The following MYO5C variants were observed in gnomAD, a reference collection of about 807,000 sequenced individuals.
MYO5C encodes myosin VC.
Under a neutral mutation model 235.7 loss-of-function variants are expected in MYO5C, and 194 were observed. That is an observed-to-expected ratio of 0.82 (90% CI 0.73 to 0.93). The LOEUF (loss-of-function observed/expected upper bound fraction) is 0.93, where lower values mean the gene tolerates loss of function less well. Among genes scored for constraint, MYO5C ranks in the 40% least tolerant of loss-of-function variants. The probability of loss-of-function intolerance (pLI) is 0.00; values close to 1 mark genes in which losing one functional copy is unlikely to be tolerated. For missense variants in MYO5C, 2,038 were observed against 2,127.2 expected (o/e 0.96, Z 0.82); for synonymous variants, 707 against 754.8 (o/e 0.94, Z 1.04).
intron 11 of MYO5C, among the ~76,000 whole-genome samples, chr15:52,256,362 A>G (rs577041792): frequency 6.6e-6 from 1 of 152,264 alleles, no homozygotes; most frequent in South Asian, 2.1e-4. Context: ...CAACCAACTA[A>G]ATAGTTTTGT....
At chr15:52,279,067 T>C in intron 3 of MYO5C, 50 bp from the exon 4 acceptor site, 1 of 1,548,640 alleles carries the variant, frequency 6.5e-7, no homozygotes, top group Non-Finnish European at 8.7e-7. Context: ...GCCACCTGCA[T>C]CTCCAGTTTT....
intron 13 of MYO5C, among the ~76,000 whole-genome samples, chr15:52,250,577 T>C (rs1459296776): frequency 6.6e-6 from 1 of 152,198 alleles, no homozygotes; most frequent in Non-Finnish European, 1.5e-5. Flanking sequence ...AGTACTCTGC[T>C]AGCACACAAA....
chr15:52,258,853 G>A (rs1306465152), intron 10 of MYO5C, among the ~76,000 whole-genome samples: 1 of 152,212 alleles, frequency 6.6e-6, no homozygotes, highest in Non-Finnish European at 1.5e-5. Context: ...CCACATAGCT[G>A]AAAAATTCAA....
At chr15:52,287,628 T>G (rs763420866) in intron 1 of MYO5C, among the ~76,000 whole-genome samples, 4 of 152,222 alleles carry the variant, frequency 2.6e-5, no homozygotes, top group Non-Finnish European at 4.4e-5. Flanking sequence ...GAACTGATTA[T>G]CTACTCCAAG....
chr15:52,204,549 G>A (rs1228622692), intron 38 of MYO5C, among the ~76,000 whole-genome samples: 6 of 152,068 alleles, frequency 3.9e-5, no homozygotes, highest in Non-Finnish European at 7.4e-5. Context: ...CCCTGGCAGT[G>A]CTATTCAGAG....
At chr15:52,253,552 A>G (rs551737802) in intron 11 of MYO5C, 95 bp from the exon 12 acceptor site, 1 of 1,139,062 alleles carries the variant, frequency 8.8e-7, no homozygotes, top group Non-Finnish European at 1.3e-6. Context: ...TAAATGGTTG[A>G]TCTGTAATAT....
chr15:52,237,812 A>C (rs2036123806), intron 21 of MYO5C, among the ~76,000 whole-genome samples, 166 bp from the exon 22 acceptor site: 1 of 152,208 alleles, frequency 6.6e-6, no homozygotes, highest in Admixed American at 6.5e-5. Context: ...GTGGTGAAAC[A>C]GTATGGCAGA....
chr15:52,256,174 T>C (rs1415461413), intron 11 of MYO5C, among the ~76,000 whole-genome samples: 2 of 152,056 alleles, frequency 1.3e-5, no homozygotes, highest in African/African-American at 2.4e-5. Context: ...AGGAAGCACA[T>C]AGGAAGAGGC....
chr15:52,193,681 G>A lies in MYO5C; in HGVS notation c.*221C>T. 4.0e-6 allele frequency: 2 copies of A among 504,334 alleles called. No individual in the cohort carries two copies. Among genetic ancestry groups the A allele is most frequent in the Middle Eastern group, 5.2e-4 (1 of 1,932 alleles). 31.2% of individuals were successfully genotyped at this position (504,334 alleles called of 1,614,324 possible). A position where few individuals can be genotyped will look rare whatever the true frequency, so the allele number is the denominator to read the frequency against. ...TGAAAACCAGCTGAGATTCGAGAGTGAGACATGGCTTTTCCAAATACAGCT... is the reference window on the plus strand; with the variant it reads ...TGAAAACCAGCTGAGATTCGAGAGTAAGACATGGCTTTTCCAAATACAGCT... On this transcript the variant is annotated 3_prime_UTR_variant, in exon 41 of 41. Coordinates refer to ENST00000261839, the MANE Select transcript of MYO5C (RefSeq NM_018728.4).
chr15:52,252,756 T>C (rs1274282102), intron 12 of MYO5C, among the ~76,000 whole-genome samples: 5 of 149,318 alleles, frequency 3.3e-5, no homozygotes, highest in South Asian at 2.1e-4. Flanking sequence ...GCCTGGGTGA[T>C]AGAGCAAGAC....
chr15:52,251,513 T>A lies in MYO5C; in HGVS notation c.1539A>T (p.Leu513Phe). Residue 513 changes from leucine (L) to phenylalanine (F), a missense_variant and splice_region_variant, in exon 13 of 41, where the codon TTA becomes TTT. By Grantham distance (22) the Leu-to-Phe change is conservative. Transcript: ENST00000261839. ...ILELLDEECL[L>F]PHGTDENWLQ... ...GCCAGTTTTCATCAGTTCCATGTGG[T>A]AACTGGAAAAGAAAAATAAACCAAA... 6.3e-7 allele frequency: 1 copy of A among 1,590,436 alleles called. No homozygotes were observed. Among genetic ancestry groups the A allele is most frequent in the Non-Finnish European group, 8.6e-7 (1 of 1,168,308 alleles).
intron 4 of MYO5C, among the ~76,000 whole-genome samples, chr15:52,276,469 A>G (rs541644226): frequency 9.2e-5 from 14 of 152,356 alleles, no homozygotes; most frequent in African/African-American, 3.4e-4. Flanking sequence ...CCTTCTGCCT[A>G]GCATATGCCA....
chr15:52,232,929 T>G lies in MYO5C; in HGVS notation c.2963-244A>C, dbSNP rs546611804. ...ATAAATAGTTTCATTTATAGTACTT[T>G]TGTTGGTCTGTTATTTATTAAAGTA... On this transcript the variant is annotated intron_variant, in intron 23 of 40. Transcript: ENST00000261839. Among the ~76,000 whole-genome samples the G allele has an allele frequency of 2.0e-5, 3 of 152,318 alleles. No homozygotes were observed. The South Asian group carries it at 6.2e-4, about 32-fold the overall frequency.
chr15:52,264,884 A>G (rs1375447435), intron 8 of MYO5C, among the ~76,000 whole-genome samples: 1 of 152,146 alleles, frequency 6.6e-6, no homozygotes, highest in Admixed American at 6.5e-5. Context: ...GCTGCCTCCA[A>G]CTGGCTGCAT....
chr15:52,237,643 T>C lies in MYO5C; in HGVS notation c.2707A>G (p.Lys903Glu). 1 of 1,605,076 alleles carries C rather than the reference T, an allele frequency of 6.2e-7. No homozygotes were observed. The highest frequency in any genetic ancestry group is 8.5e-7 in the Non-Finnish European group (1 of 1,178,096). ...RLQKKLEDQN[K>E]ENHGLVEKLT... ...TTCTCCACCAGCCCATGGTTTTCTT[T>C]GTTCTAGAGAAAAGAAAATTCAGAT... is the stretch of plus-strand genomic sequence containing the variant. The change falls in exon 22 of 41, where the codon AAA becomes GAA. Residue 903 changes from lysine to glutamate, a missense_variant. By Grantham distance (56) the Lys-to-Glu change is moderately conservative. Transcript: ENST00000261839.
chr15:52,281,678 G>A (rs1172098655), intron 2 of MYO5C, among the ~76,000 whole-genome samples: 2 of 152,184 alleles, frequency 1.3e-5, no homozygotes, highest in African/African-American at 4.8e-5. Flanking sequence ...CTGGGGGCCT[G>A]GGCCAAAGAC....
At chr15:52,204,118 G>A (rs1234723185) in intron 38 of MYO5C, among the ~76,000 whole-genome samples, 1 of 152,114 alleles carries the variant, frequency 6.6e-6, no homozygotes, top group African/African-American at 2.4e-5. Context: ...TCAATTAAGA[G>A]ATAGTAGACA....
rs111262107 is a variant in MYO5C, at chr15:52,208,290, G to A, written c.4386+264C>T. On this transcript the variant is annotated intron_variant, in intron 36 of 40. Transcript: ENST00000261839. ...GTATTTTAGAGTCATAATGCTAAAC[G>A]TCTTACAGCCAGAAGGAAACTTAAA... Among the ~76,000 whole-genome samples, 38 of 152,286 alleles carry A rather than the reference G, an allele frequency of 2.5e-4. 2 individuals are homozygous for A. Among genetic ancestry groups the A allele is most frequent in the African/African-American group, 7.9e-4 (33 of 41,564 alleles).
chr15:52,291,745 T>TGTTTTG (rs1345091613), intron 1 of MYO5C, among the ~76,000 whole-genome samples: 1 of 103,714 alleles, frequency 9.6e-6, no homozygotes, highest in African/African-American at 3.6e-5. Context: ...TTTTTTTTTT[T>TGTTTTG]TTTTTTTTTT....
Sources: gnomAD v4.1 joint callset for allele counts (sites outside exome capture counted in the v4.1 genomes callset) on GRCh38, gnomAD v4.1.1 for gene constraint, MANE v1.5 for transcripts, NCBI Gene and HGNC (gene_info 2026-07-23, HGNC 2026-07-21) for gene names.